GPATCH8: variants seen among roughly 807,000 people sequenced by gnomAD.
GPATCH8 encodes G-patch domain containing 8.
Under a neutral mutation model 118.3 loss-of-function variants are expected in GPATCH8, and 18 were observed. The ratio of observed to expected loss-of-function variants is 0.15; its 90% CI spans 0.11 to 0.23. The LOEUF (loss-of-function observed/expected upper bound fraction) is 0.23, where lower values mean the gene tolerates loss of function less well. Among genes scored for constraint, GPATCH8 ranks in the 10% least tolerant of loss-of-function variants. The probability of loss-of-function intolerance (pLI) is 1.00; values close to 1 mark genes in which losing one functional copy is unlikely to be tolerated. For synonymous variants in GPATCH8, 659 were observed against 684.7 expected (o/e 0.96, Z 0.59); for missense variants, 1,631 against 1,873.8 (o/e 0.87, Z 2.39).
intron 6 of GPATCH8, among the ~76,000 whole-genome samples, chr17:44,421,820 A>G (rs2049915988): frequency 6.6e-6 from 1 of 151,466 alleles, no homozygotes; most frequent in Non-Finnish European, 1.5e-5. Flanking sequence ...TCCGCCTCCC[A>G]GGTTCAGGCA....
At chr17:44,441,938 G>GAATC (rs1351473188) in intron 3 of GPATCH8, among the ~76,000 whole-genome samples, 1 of 151,826 alleles carries the variant, frequency 6.6e-6, no homozygotes, top group African/African-American at 2.4e-5. Context: ...TGAGGCAGGA[G>GAATC]AATCGCTTAA....
At chr17:44,474,791 A>G (rs775240133) in intron 2 of GPATCH8, 38 bp downstream of exon 2, 3 of 1,005,444 alleles carry the variant, frequency 3.0e-6, no homozygotes, top group East Asian at 2.4e-5. Flanking sequence ...TACCTAACTA[A>G]CTAGCTAAGA....
intron 4 of GPATCH8, 100 bp downstream of exon 4, chr17:44,436,378 T>C: frequency 1.3e-6 from 1 of 749,656 alleles, no homozygotes; most frequent in Non-Finnish European, 2.5e-6. Flanking sequence ...TAAAACTACA[T>C]TTCATCTGAT....
At chr17:44,411,377 T>C (rs1342989096) in intron 6 of GPATCH8, among the ~76,000 whole-genome samples, 1 of 152,182 alleles carries the variant, frequency 6.6e-6, no homozygotes, top group Non-Finnish European at 1.5e-5. Flanking sequence ...TTTAACAAAA[T>C]CTTTTTGTAT....
At chr17:44,423,491 C>A (rs888080919) in intron 6 of GPATCH8, among the ~76,000 whole-genome samples, 5 of 152,122 alleles carry the variant, frequency 3.3e-5, no homozygotes, top group Non-Finnish European at 5.9e-5. Context: ...AAAAAAAAAT[C>A]TTAGTTCAAC....
chr17:44,462,443 T>C (rs1312730674), intron 3 of GPATCH8, among the ~76,000 whole-genome samples: 1 of 152,226 alleles, frequency 6.6e-6, no homozygotes, highest in Non-Finnish European at 1.5e-5. Context: ...TCTGGGCTCT[T>C]ACAAAATCTG....
At chr17:44,404,121 C>T (rs1048783803) in intron 7 of GPATCH8, among the ~76,000 whole-genome samples, 1 of 152,070 alleles carries the variant, frequency 6.6e-6, no homozygotes, top group African/African-American at 2.4e-5. Flanking sequence ...AAAACAACGC[C>T]CCGCAAACTG....
At chr17:44,402,145 C>T (rs2049049345) in intron 7 of GPATCH8, among the ~76,000 whole-genome samples, 1 of 151,592 alleles carries the variant, frequency 6.6e-6, no homozygotes, top group African/African-American at 2.4e-5. Context: ...CATGGTGAAA[C>T]CCCGCCTCTG....
chr17:44,441,478 C>T (rs1380845884), intron 3 of GPATCH8, among the ~76,000 whole-genome samples: 1 of 151,310 alleles, frequency 6.6e-6, no homozygotes, highest in Non-Finnish European at 1.5e-5. Context: ...AATCCCAGCA[C>T]TGTGGGAGGC....
At chr17:44,451,473 G>A (rs923736086) in intron 3 of GPATCH8, among the ~76,000 whole-genome samples, 1 of 152,050 alleles carries the variant, frequency 6.6e-6, no homozygotes, top group East Asian at 1.9e-4. Flanking sequence ...ATACATAAAT[G>A]CACAGTAATT....
At chr17:44,486,848 T>G (rs187310201) in intron 1 of GPATCH8, 2 of 152,372 alleles carry the variant, frequency 1.3e-5, no homozygotes, top group East Asian at 1.9e-4. Context: ...ATGAGTTTAT[T>G]GTAATTATTA....
At chr17:44,438,533 A>G (rs906582819) in intron 3 of GPATCH8, 1 of 152,372 alleles carries the variant, frequency 6.6e-6, no homozygotes, top group African/African-American at 2.4e-5. Context: ...AACAAGGATC[A>G]GACAAGTTGC....
intron 3 of GPATCH8, among the ~76,000 whole-genome samples, chr17:44,443,822 C>G (rs1174845712): frequency 6.6e-6 from 1 of 152,150 alleles, no homozygotes; most frequent in Non-Finnish European, 1.5e-5. Context: ...GTGCACACCA[C>G]CACATGTGGC....
At position 44,400,993 on chromosome 17, in the gene GPATCH8, C is replaced by G. The variant is rs2048999295; in HGVS notation, c.1084G>C (p.Glu362Gln). 1.2e-6 allele frequency: 2 copies of G among 1,613,354 alleles called. No individual in the cohort carries two copies. Among genetic ancestry groups the G allele is most frequent in the East Asian group, 2.2e-5 (1 of 44,876 alleles). The part of the protein sequence containing the change: ...SSNLDGKKED[E>Q]DPQDGGSLAS... Reference sequence around the variant, plus strand: ...AGGGACCCTCCATCCTGAGGGTCTTCATCCTCTTTTTTACCATCAAGATTA... The same window carrying G: ...AGGGACCCTCCATCCTGAGGGTCTTGATCCTCTTTTTTACCATCAAGATTA... Residue 362 changes from glutamate (E) to glutamine (Q), a missense_variant, in exon 8 of 8, where the codon GAA becomes CAA. Physicochemically the swap from Glu to Gln is conservative, Grantham distance 29 (BLOSUM62 2). This residue lies in a region of GPATCH8 where 405 missense variants were observed against 462.7 expected (regional missense o/e 0.88). Transcript: ENST00000591680.
rs989621830 is a variant in GPATCH8 at position 44,444,342 on chromosome 17, C to T, written c.194-7797G>A. 5.9e-5 allele frequency among the ~76,000 whole-genome samples: 9 copies of T among 151,672 alleles called. No individual in the cohort carries two copies. The South Asian group carries it at 1.5e-3, about 25-fold the overall frequency. ...TATACTGACTCACTAAAGATTGCCT[C>T]AAGCTAACCACCATGCTAAGATCAA... is the stretch of plus-strand genomic sequence containing the variant. On this transcript the variant is annotated intron_variant, in intron 3 of 7. Coordinates refer to ENST00000591680, the MANE Select transcript of GPATCH8 (RefSeq NM_001002909.4).
At chr17:44,419,049 G>A (rs911429652) in intron 6 of GPATCH8, among the ~76,000 whole-genome samples, 3 of 152,068 alleles carry the variant, frequency 2.0e-5, no homozygotes, top group Non-Finnish European at 4.4e-5. Flanking sequence ...TAACACCCCC[G>A]CATCCTGTCA....
chr17:44,396,933 G>A lies in GPATCH8; in HGVS notation c.*635C>T. On this transcript the variant is annotated 3_prime_UTR_variant, in exon 8 of 8. Transcript: ENST00000591680. ...TGGAGATGCCTCTTCTGGGATGAGGGATACCAAGATAACAGTGCCAAATGT... is the reference window on the plus strand; with the variant it reads ...TGGAGATGCCTCTTCTGGGATGAGGAATACCAAGATAACAGTGCCAAATGT... The A allele has an allele frequency of 2.2e-6, 1 of 454,108 alleles. No individual in the cohort carries two copies. Among genetic ancestry groups the A allele is most frequent in the Non-Finnish European group, 4.4e-6 (1 of 226,802 alleles). 28.1% of individuals were successfully genotyped at this position (454,108 alleles called of 1,614,324 possible). A position where few individuals can be genotyped will look rare whatever the true frequency, so the allele number is the denominator to read the frequency against.
rs1186127362 is a variant in GPATCH8 at position 44,486,467 on chromosome 17, T to C, written c.46-11564A>G. 3 of 152,208 alleles carry C rather than the reference T, an allele frequency of 2.0e-5. No individual in the cohort carries two copies. The East Asian group carries it at 5.8e-4, about 29-fold the overall frequency. The allele number at this position is 152,208 out of a possible 1,614,324, so 9.4% of individuals were successfully genotyped here. A position where few individuals can be genotyped will look rare whatever the true frequency, so the allele number is the denominator to read the frequency against. ...GAGACATTTTATTAGACTGAGCTCATAGGGAGAACTTAAAAAAAATTTTTT... is the reference window on the plus strand; with the variant it reads ...GAGACATTTTATTAGACTGAGCTCACAGGGAGAACTTAAAAAAAATTTTTT... On this transcript the variant is annotated intron_variant, in intron 1 of 7. Transcript: ENST00000591680.
intron 3 of GPATCH8, among the ~76,000 whole-genome samples, chr17:44,453,528 T>TGTGTGTGTGTGTGTGTGA (rs1482667373): frequency 6.6e-6 from 1 of 150,584 alleles, no homozygotes. Context: ...TGTGTGTGTG[T>TGTGTGTGTGTGTGTGTGA]GTGCAGGCGC....
Sources: gnomAD v4.1 joint callset for allele counts (sites outside exome capture counted in the v4.1 genomes callset) on GRCh38, gnomAD v4.1.1 for gene constraint, gnomAD v4.1.1 regional missense constraint, MANE v1.5 for transcripts, NCBI Gene and HGNC (gene_info 2026-07-23, HGNC 2026-07-21) for gene names.